Variants in ANK2 observed in about 807,000 individuals in gnomAD.
The protein encoded by ANK2 is ankyrin 2.
A neutral mutation model predicts 360.5 loss-of-function variants in ANK2; 83 were observed. That is an observed-to-expected ratio of 0.23 (90% CI 0.19 to 0.28). ANK2 has a LOEUF of 0.28. Among genes scored for constraint, ANK2 ranks in the 10% least tolerant of loss-of-function variants. The pLI is 1.00. For synonymous variants in ANK2, 1,740 were observed against 1,759.5 expected (o/e 0.99, Z 0.28); for missense variants, 4,201 against 4,795.7 (o/e 0.88, Z 3.66).
At chr4:113,362,019 G>C (rs1161450914) in intron 39 of ANK2, among the ~76,000 whole-genome samples, 1 of 152,038 alleles carries the variant, frequency 6.6e-6, no homozygotes, top group Non-Finnish European at 1.5e-5. Context: ...CATGCTTTTA[G>C]AAAAAATATA....
intron 2 of ANK2, among the ~76,000 whole-genome samples, chr4:113,000,544 T>C (rs2050223133): frequency 6.6e-6 from 1 of 152,220 alleles, no homozygotes; most frequent in Non-Finnish European, 1.5e-5. Context: ...CCCATTTTAC[T>C]ACGCTGGCAA....
chr4:112,964,282 A>AT (rs1279586372), intron 2 of ANK2, among the ~76,000 whole-genome samples: 1 of 151,410 alleles, frequency 6.6e-6, no homozygotes, highest in Non-Finnish European at 1.5e-5. Flanking sequence ...CAATTAAATT[A>AT]TTTTTTGTAC....
the ANK2 span, among the ~76,000 whole-genome samples, chr4:112,775,229 T>G: frequency 6.6e-6 from 1 of 152,236 alleles, no homozygotes; most frequent in East Asian, 1.9e-4. Context: ...GGATAATTCC[T>G]AAGATTTCAC....
At chr4:112,812,965 C>T in the ANK2 span, among the ~76,000 whole-genome samples, 3 of 152,034 alleles carry the variant, frequency 2.0e-5, no homozygotes, top group South Asian at 2.1e-4. Context: ...ATCGGCTGGG[C>T]GCGGTGGCTC....
At chr4:112,779,863 T>A in the ANK2 span, among the ~76,000 whole-genome samples, 17 of 152,336 alleles carry the variant, frequency 1.1e-4, 1 homozygote, top group African/African-American at 4.1e-4. Context: ...CATCATTATT[T>A]CCTTTTTCCA....
At chr4:113,344,402 G>A (rs960478293) in intron 34 of ANK2, among the ~76,000 whole-genome samples, 1 of 152,306 alleles carries the variant, frequency 6.6e-6, no homozygotes, top group East Asian at 1.9e-4. Context: ...AACAAATGTT[G>A]GGAAGGATGT....
In ANK2 at chr4:113,302,814, G is replaced by A. The variant is rs747087800; in HGVS notation, c.2523G>A (p.Glu841=). Reference sequence around the variant, plus strand: ...TAAATGTACCTGAGACGATGACTGAGGTTCTTGATGTTTCTGATGAAGAGG... The same window carrying A: ...TAAATGTACCTGAGACGATGACTGAAGTTCTTGATGTTTCTGATGAAGAGG... ...HKLNVPETMT[E]VLDVSDEEGD... is the part of the protein sequence containing the mutation. The change falls in exon 23 of 46, where the codon GAG becomes GAA. Residue 841 remains glutamate (E), a synonymous_variant. Coordinates refer to ENST00000357077, the MANE Select transcript of ANK2 (RefSeq NM_001148.6). The A allele has an allele frequency of 1.9e-6, 3 of 1,613,838 alleles. No homozygotes were observed. Among genetic ancestry groups the A allele is most frequent in the South Asian group, 1.1e-5 (1 of 91,064 alleles).
chr4:112,772,504 C>T, the ANK2 span, among the ~76,000 whole-genome samples: 32 of 152,090 alleles, frequency 2.1e-4, no homozygotes, highest in Non-Finnish European at 4.3e-4. Context: ...ACCCTGTGAG[C>T]CCCAACTCAG....
intron 24 of ANK2, among the ~76,000 whole-genome samples, chr4:113,315,874 G>C (rs1255365738): frequency 6.9e-6 from 1 of 145,028 alleles, no homozygotes; most frequent in East Asian, 2.0e-4. Context: ...TCCAGCCTGG[G>C]TGACAGAGCG....
At chr4:113,230,600 A>G (rs1390835218) in intron 4 of ANK2, among the ~76,000 whole-genome samples, 2 of 152,192 alleles carry the variant, frequency 1.3e-5, no homozygotes, top group Non-Finnish European at 2.9e-5. Context: ...TCGTTAATGC[A>G]TGGAAAGCTT....
chr4:112,906,354 GA>G (rs2085211697), intron 2 of ANK2, among the ~76,000 whole-genome samples: 1 of 152,188 alleles, frequency 6.6e-6, no homozygotes, highest in Admixed American at 6.6e-5. Flanking sequence ...AAGTAAATAA[GA>G]GATAAGGGGA....
chr4:112,889,100 T>C (rs2079204672), intron 1 of ANK2, among the ~76,000 whole-genome samples: 1 of 152,210 alleles, frequency 6.6e-6, no homozygotes, highest in Non-Finnish European at 1.5e-5. Flanking sequence ...GACACATTTC[T>C]CCTTAAAAAT....
At chr4:113,130,737 G>A (rs562179809) in intron 1 of ANK2, among the ~76,000 whole-genome samples, 33 of 152,236 alleles carry the variant, frequency 2.2e-4, no homozygotes, top group African/African-American at 7.5e-4. Context: ...CATCATCTTT[G>A]CCTAAGACAT....
chr4:112,787,505 C>T, the ANK2 span, among the ~76,000 whole-genome samples: 1 of 152,188 alleles, frequency 6.6e-6, no homozygotes, highest in South Asian at 2.1e-4. Context: ...TGCTCTCTTC[C>T]TTTCTCCCTC....
rs2095681507 is a variant in ANK2, at chr4:113,355,308, C to T, written c.6690C>T (p.Ser2230=). ...EGTPQISSEE[S]YKHEGLAETP... ...CCCCTCAGATTAGTTCAGAAGAAAG[C>T]TATAAGCATGAAGGCCTAGCAGAGA... The change falls in exon 38 of 46, where the codon AGC becomes AGT. Residue 2230 remains serine (S), a synonymous_variant. Coordinates refer to ENST00000357077, the MANE Select transcript of ANK2 (RefSeq NM_001148.6). The T allele has an allele frequency of 6.2e-7, 1 of 1,613,856 alleles. No homozygotes were observed. The highest frequency in any genetic ancestry group is 1.1e-5 in the South Asian group (1 of 91,084).
intron 1 of ANK2, among the ~76,000 whole-genome samples, chr4:113,079,362 T>C (rs1230011678): frequency 6.6e-6 from 1 of 152,228 alleles, no homozygotes; most frequent in Non-Finnish European, 1.5e-5. Context: ...TTTTTGCTTC[T>C]GGCCATGTAC....
chr4:113,350,247 A>C lies in ANK2; in HGVS notation c.4424A>C (p.Lys1475Thr). Residue 1475 changes from lysine (K) to threonine (T), a missense_variant and splice_region_variant, in exon 37 of 46, where the codon AAA becomes ACA. By Grantham distance (78) the Lys-to-Thr change is moderately conservative. Coordinates refer to ENST00000357077, the MANE Select transcript of ANK2 (RefSeq NM_001148.6). ...TTTCAGATCGATATGACATCAGAAA[A>C]AAGTAAGAATTTAAAGAAAATTGAG... ...QEEEIDMTSE[K>T]NDETESTETS... is the part of the protein sequence containing the mutation. 6.2e-7 allele frequency: 1 copy of C among 1,606,382 alleles called. No homozygotes were observed. Among genetic ancestry groups the C allele is most frequent in the Non-Finnish European group, 8.5e-7 (1 of 1,175,074 alleles).
chr4:113,358,238 C>T lies in ANK2; in HGVS notation c.9620C>T (p.Ser3207Leu), dbSNP rs747459261. 6.2e-7 allele frequency: 1 copy of T among 1,614,080 alleles called. No homozygotes were observed. Among genetic ancestry groups the T allele is most frequent in the East Asian group, 2.2e-5 (1 of 44,864 alleles). ...CAACTTAACTCCCAAATGGGGATTT[C>T]AGCCTCCACTGAAACACCTACAAAA... ...DAQLNSQMGI[S>L]ASTETPTKEA... Residue 3207 changes from serine (S) to leucine (L), a missense_variant, in exon 38 of 46, where the codon TCA (serine) becomes TTA (leucine). Ser to Leu is a moderately radical substitution (Grantham distance 145). Coordinates refer to ENST00000357077, the MANE Select transcript of ANK2 (RefSeq NM_001148.6).
intron 1 of ANK2, among the ~76,000 whole-genome samples, chr4:112,858,614 C>T (rs1426828557): frequency 6.6e-6 from 1 of 152,180 alleles, no homozygotes; most frequent in Admixed American, 6.5e-5. Flanking sequence ...TTAGTTCATG[C>T]ATTGACTGAA....
Sources: allele counts gnomAD v4.1 joint callset (sites outside exome capture counted in the v4.1 genomes callset), GRCh38; gene constraint gnomAD v4.1.1; transcripts MANE v1.5; gene names NCBI Gene and HGNC (gene_info 2026-07-23, HGNC 2026-07-21).